Variants in LYPD6 observed in about 807,000 individuals in gnomAD.
The protein encoded by LYPD6 is ly6/PLAUR domain-containing protein 6.
In LYPD6, 15 loss-of-function variants were observed where a neutral mutation model predicts 22.7. The ratio of observed to expected loss-of-function variants is 0.66; its 90% CI spans 0.44 to 1.02. The LOEUF is 1.02. LYPD6 is among the 50% of genes least tolerant of loss of function. LYPD6 has a pLI of 0.00. For synonymous variants in LYPD6, 72 were observed against 77.5 expected (o/e 0.93, Z 0.37); for missense variants, 189 against 208.4 (o/e 0.91, Z 0.57).
intron 1 of LYPD6, among the ~76,000 whole-genome samples, chr2:149,367,464 G>C (rs1325543117): frequency 6.6e-6 from 1 of 152,118 alleles, no homozygotes; most frequent in Non-Finnish European, 1.5e-5. Flanking sequence ...GTTGGTTAGA[G>C]AGTCACTAGA....
chr2:149,345,303 T>A (rs1003061965), intron 1 of LYPD6, among the ~76,000 whole-genome samples: 1 of 121,358 alleles, frequency 8.2e-6, no homozygotes, highest in Non-Finnish European at 1.6e-5. Context: ...ACCCTTAATT[T>A]AAATTTTTTT....
chr2:149,370,277 C>T (rs1214686098), intron 1 of LYPD6, among the ~76,000 whole-genome samples: 1 of 152,010 alleles, frequency 6.6e-6, no homozygotes, highest in Non-Finnish European at 1.5e-5. Context: ...TATAGGAGCC[C>T]CAAGTTGGGC....
chr2:149,434,745 A>G (rs1004224242), intron 1 of LYPD6, among the ~76,000 whole-genome samples: 2 of 152,190 alleles, frequency 1.3e-5, no homozygotes, highest in Admixed American at 6.5e-5. Flanking sequence ...GGTCTGAGGC[A>G]GGGAAAGTAA....
chr2:149,402,250 G>A (rs896098437), intron 1 of LYPD6, among the ~76,000 whole-genome samples: 5 of 152,154 alleles, frequency 3.3e-5, no homozygotes, highest in Middle Eastern at 3.4e-3. Flanking sequence ...GTGTGTGTGT[G>A]TGTGTGTGTA....
At chr2:149,379,751 G>A (rs1253558924) in intron 1 of LYPD6, among the ~76,000 whole-genome samples, 1 of 152,184 alleles carries the variant, frequency 6.6e-6, no homozygotes, top group Non-Finnish European at 1.5e-5. Flanking sequence ...CCATCATTTA[G>A]TTCATTAATT....
At chr2:149,383,543 C>T (rs1466614324) in intron 1 of LYPD6, among the ~76,000 whole-genome samples, 2 of 151,966 alleles carry the variant, frequency 1.3e-5, no homozygotes, top group East Asian at 1.9e-4. Flanking sequence ...TAAAGAGACT[C>T]CAAAAACAGA....
In LYPD6 at chr2:149,472,332, A is replaced by T. The variant is rs1415139779; in HGVS notation, c.*1482A>T. 6.6e-6 allele frequency: 1 copy of T among 152,358 alleles called. No individual in the cohort carries two copies. Among genetic ancestry groups the T allele is most frequent in the Non-Finnish European group, 1.5e-5 (1 of 68,016 alleles). 9.4% of individuals were successfully genotyped at this position (152,358 alleles called of 1,614,324 possible). On this transcript the variant is annotated 3_prime_UTR_variant, in exon 5 of 5. Coordinates refer to ENST00000334166, the MANE Select transcript of LYPD6 (RefSeq NM_194317.5). ...GGATTTTTCCATGGTTTCCTCAGTG[A>T]TGGTGTCCTGGAATTATTCAGGTGG...
At chr2:149,377,462 C>T (rs1378541730) in intron 1 of LYPD6, among the ~76,000 whole-genome samples, 1 of 152,302 alleles carries the variant, frequency 6.6e-6, no homozygotes, top group Non-Finnish European at 1.5e-5. Flanking sequence ...GTGGCTCTCA[C>T]AGGCCCGGTA....
intron 1 of LYPD6, among the ~76,000 whole-genome samples, chr2:149,400,093 T>A (rs955836996): frequency 2.5e-4 from 38 of 151,952 alleles, no homozygotes; most frequent in African/African-American, 8.7e-4. Flanking sequence ...CTGGAGAGAG[T>A]GTCCTGGCAG....
chr2:149,440,029 T>TCA (rs1198398235), intron 2 of LYPD6: 1 of 152,754 alleles, frequency 6.5e-6, no homozygotes, highest in Non-Finnish European at 1.5e-5. Flanking sequence ...GCCACTGAGT[T>TCA]GTCTGAAAGA....
intron 3 of LYPD6, among the ~76,000 whole-genome samples, chr2:149,454,763 A>G (rs1329657816): frequency 3.9e-5 from 6 of 152,210 alleles, no homozygotes; most frequent in Non-Finnish European, 8.8e-5. Flanking sequence ...GACAGAAACA[A>G]TAGAAGGTAG....
At chr2:149,345,914 C>T (rs1559119572) in intron 1 of LYPD6, among the ~76,000 whole-genome samples, 1 of 152,128 alleles carries the variant, frequency 6.6e-6, no homozygotes, top group Non-Finnish European at 1.5e-5. Flanking sequence ...TTCCAAACTG[C>T]ACCGTGCTCC....
chr2:149,429,897 A>T (rs1245091086), intron 1 of LYPD6, among the ~76,000 whole-genome samples: 1 of 152,170 alleles, frequency 6.6e-6, no homozygotes. Flanking sequence ...GGCTGCTAAC[A>T]TGGTGTCTCA....
intron 1 of LYPD6, among the ~76,000 whole-genome samples, chr2:149,348,059 T>TAAAAAAAAAAA (rs1681290557): frequency 4.5e-5 from 1 of 21,998 alleles, no homozygotes; most frequent in Non-Finnish European, 9.2e-5. Flanking sequence ...CTACTAAAAA[T>TAAAAAAAAAAA]ACAAAAAAAA....
intron 1 of LYPD6, among the ~76,000 whole-genome samples, chr2:149,377,919 G>A (rs980850907): frequency 6.6e-5 from 10 of 151,708 alleles, no homozygotes; most frequent in Admixed American, 2.0e-4. Context: ...TGTATTCATC[G>A]CAAATATACC....
chr2:149,476,156 A>G (rs1244784048), downstream of LYPD6, among the ~76,000 whole-genome samples: 1 of 152,176 alleles, frequency 6.6e-6, no homozygotes, highest in Non-Finnish European at 1.5e-5. Flanking sequence ...TGGTGCTCAG[A>G]GTAATTAAGA....
chr2:149,397,772 T>TG (rs1276281095), intron 1 of LYPD6, among the ~76,000 whole-genome samples: 5 of 152,238 alleles, frequency 3.3e-5, no homozygotes, highest in Non-Finnish European at 7.3e-5. Flanking sequence ...TGAAGTGTGA[T>TG]GCCAGTCTAA....
intron 1 of LYPD6, among the ~76,000 whole-genome samples, chr2:149,344,470 G>T (rs1201383204): frequency 1.3e-5 from 2 of 152,090 alleles, no homozygotes; most frequent in African/African-American, 2.4e-5. Flanking sequence ...TTTCAGAAAA[G>T]AATAATTTAC....
intron 1 of LYPD6, among the ~76,000 whole-genome samples, chr2:149,340,348 A>G (rs1288787376): frequency 6.6e-6 from 1 of 152,174 alleles, no homozygotes; most frequent in Non-Finnish European, 1.5e-5. Flanking sequence ...TAGATAATAT[A>G]ATCATTTACT....
Sources: allele counts gnomAD v4.1 joint callset (sites outside exome capture counted in the v4.1 genomes callset), GRCh38; gene constraint gnomAD v4.1.1; transcripts MANE v1.5; gene names NCBI Gene and HGNC (gene_info 2026-07-23, HGNC 2026-07-21).